Variants in SH2D4B observed in about 807,000 individuals in gnomAD.
The protein encoded by SH2D4B is SH2 domain-containing protein 4B.
Under a neutral mutation model 61.5 loss-of-function variants are expected in SH2D4B, and 45 were observed. That is an observed-to-expected ratio of 0.73 (90% CI 0.58 to 0.94). SH2D4B has a LOEUF of 0.94. Among genes scored for constraint, SH2D4B ranks in the 40% least tolerant of loss-of-function variants. The pLI, the probability that SH2D4B is intolerant of heterozygous loss-of-function variation, is 0.00. For synonymous variants in SH2D4B, 224 were observed against 220.4 expected (o/e 1.02, Z -0.14); for missense variants, 572 against 574.2 (o/e 1.00, Z 0.04).
chr10:80,605,340 T>G (rs1054918748), intron 5 of SH2D4B, among the ~76,000 whole-genome samples: 36 of 152,174 alleles, frequency 2.4e-4, no homozygotes, highest in African/African-American at 8.4e-4. Flanking sequence ...AATGATCTTT[T>G]TATTGTGTTG....
At chr10:80,569,898 G>C (rs148493411) in intron 1 of SH2D4B, among the ~76,000 whole-genome samples, 2 of 152,156 alleles carry the variant, frequency 1.3e-5, no homozygotes, top group South Asian at 4.1e-4. Context: ...CATTCTCTCT[G>C]CTGGAGATGG....
intron 3 of SH2D4B, among the ~76,000 whole-genome samples, chr10:80,572,160 G>T (rs536559885): frequency 3.3e-5 from 5 of 152,238 alleles, no homozygotes; most frequent in African/African-American, 1.2e-4. Context: ...AGTGGTTAGG[G>T]ATAGACTCAG....
At chr10:80,636,635 T>G (rs1463745652) in intron 7 of SH2D4B, among the ~76,000 whole-genome samples, 1 of 152,068 alleles carries the variant, frequency 6.6e-6, no homozygotes, top group African/African-American at 2.4e-5. Context: ...GCCCAATTTT[T>G]GATGGGATTG....
At chr10:80,638,494 T>C (rs1840229545) in intron 7 of SH2D4B, among the ~76,000 whole-genome samples, 2 of 152,246 alleles carry the variant, frequency 1.3e-5, no homozygotes, top group Admixed American at 6.5e-5. Context: ...GTGATTCAAC[T>C]TCTTCCTGGT....
At chr10:80,634,063 C>T (rs1842864787) in intron 6 of SH2D4B, among the ~76,000 whole-genome samples, 1 of 152,182 alleles carries the variant, frequency 6.6e-6, no homozygotes, top group African/African-American at 2.4e-5. Context: ...AGAAACTCTG[C>T]CCCCAGGCTC....
At chr10:80,634,645 G>A (rs930828613) in intron 7 of SH2D4B, 140 bp downstream of exon 7, 2 of 1,321,054 alleles carry the variant, frequency 1.5e-6, no homozygotes, top group Middle Eastern at 2.7e-4. Flanking sequence ...GAGCATCAGG[G>A]CAGAAGAGAC....
intron 5 of SH2D4B, among the ~76,000 whole-genome samples, chr10:80,608,762 C>T (rs961283210): frequency 6.9e-6 from 1 of 145,168 alleles, no homozygotes; most frequent in African/African-American, 2.9e-5. Context: ...CCTTCCGCCT[C>T]CGTATCCTCT....
At chr10:80,569,264 A>G (rs1842008434) in intron 1 of SH2D4B, among the ~76,000 whole-genome samples, 1 of 152,182 alleles carries the variant, frequency 6.6e-6, no homozygotes, top group Admixed American at 6.5e-5. Context: ...CAGAGAGTGC[A>G]GAGCGGGCCC....
At chr10:80,624,920 G>A (rs1367020995) in intron 6 of SH2D4B, among the ~76,000 whole-genome samples, 6 of 152,098 alleles carry the variant, frequency 3.9e-5, no homozygotes, top group African/African-American at 1.2e-4. Flanking sequence ...ATATACATAT[G>A]TGAAGGGCAT....
intron 6 of SH2D4B, among the ~76,000 whole-genome samples, chr10:80,633,450 A>G (rs1842856360): frequency 6.6e-6 from 1 of 152,194 alleles, no homozygotes; most frequent in Admixed American, 6.5e-5. Context: ...GGAGACCTTG[A>G]GGGCTTGGCT....
intron 4 of SH2D4B, among the ~76,000 whole-genome samples, chr10:80,601,104 A>G (rs545412932): frequency 5.9e-5 from 9 of 152,168 alleles, no homozygotes; most frequent in African/African-American, 1.9e-4. Flanking sequence ...TCCTTGAGGA[A>G]CACAAAAAGT....
At chr10:80,602,579 C>G (rs1008990458) in intron 4 of SH2D4B, among the ~76,000 whole-genome samples, 11 of 152,136 alleles carry the variant, frequency 7.2e-5, no homozygotes, top group African/African-American at 2.4e-4. Context: ...CCTCTTCCCC[C>G]TCCCTGCCCA....
chr10:80,558,687 G>A (rs1176588328), intron 1 of SH2D4B, among the ~76,000 whole-genome samples: 1 of 152,162 alleles, frequency 6.6e-6, no homozygotes, highest in Non-Finnish European at 1.5e-5. Flanking sequence ...GATTTGCCAT[G>A]TGGTCAAGGC....
intron 6 of SH2D4B, among the ~76,000 whole-genome samples, chr10:80,620,982 T>C (rs1355231751): frequency 6.6e-6 from 1 of 152,250 alleles, no homozygotes; most frequent in Admixed American, 6.5e-5. Context: ...GTTTGCAAAA[T>C]TTTGATAATT....
intron 3 of SH2D4B, 49 bp downstream of exon 3, chr10:80,571,627 G>T: frequency 6.2e-7 from 1 of 1,605,272 alleles, no homozygotes; most frequent in Non-Finnish European, 8.5e-7. Flanking sequence ...ATTAGCCCCT[G>T]AGACCACTGG....
chr10:80,625,428 A>G (rs1405954483), intron 6 of SH2D4B, among the ~76,000 whole-genome samples: 1 of 152,176 alleles, frequency 6.6e-6, no homozygotes, highest in Non-Finnish European at 1.5e-5. Flanking sequence ...ATCCTTCTAC[A>G]CTTTAAATTA....
chr10:80,587,229 G>C (rs1034372448), intron 3 of SH2D4B, among the ~76,000 whole-genome samples: 7 of 146,408 alleles, frequency 4.8e-5, no homozygotes, highest in Non-Finnish European at 8.9e-5. Context: ...TCTGCCTCCT[G>C]GGTTCAAGCC....
chr10:80,599,907 G>A (rs1281940129), intron 4 of SH2D4B, among the ~76,000 whole-genome samples: 1 of 152,078 alleles, frequency 6.6e-6, no homozygotes, highest in Non-Finnish European at 1.5e-5. Context: ...TCTCTGACAA[G>A]AGACCCTGAC....
intron 5 of SH2D4B, chr10:80,607,443 C>T (rs1842532822): frequency 6.6e-6 from 1 of 152,220 alleles, no homozygotes. Flanking sequence ...AAAGGAAAGC[C>T]CAGAGTGGCA....
Sources: allele counts gnomAD v4.1 joint callset (sites outside exome capture counted in the v4.1 genomes callset), GRCh38; gene constraint gnomAD v4.1.1; transcripts MANE v1.5; gene names NCBI Gene and HGNC (gene_info 2026-07-23, HGNC 2026-07-21).